Variants in STAP2 observed in about 807,000 individuals in gnomAD.
STAP2 encodes signal-transducing adaptor protein 2.
In STAP2, 58 loss-of-function variants were observed where a neutral mutation model predicts 52.7. That is an observed-to-expected ratio of 1.10 (90% CI 0.89 to 1.37). The LOEUF (loss-of-function observed/expected upper bound fraction) is 1.37, where lower values mean the gene tolerates loss of function less well. Ranked by LOEUF, STAP2 falls within the 40% of genes most tolerant of loss-of-function variation. The pLI, the probability that STAP2 is intolerant of heterozygous loss-of-function variation, is 0.00. For synonymous variants in STAP2, 231 were observed against 210.5 expected (o/e 1.10, Z -0.84); for missense variants, 522 against 519.4 (o/e 1.00, Z -0.05).
At position 4,333,771 on chromosome 19, in the gene STAP2, C is replaced by T; in HGVS notation, c.220G>A (p.Glu74Lys). 6.2e-7 allele frequency: 1 copy of T among 1,613,734 alleles called. No individual in the cohort carries two copies. Among genetic ancestry groups the T allele is most frequent in the Non-Finnish European group, 8.5e-7 (1 of 1,179,996 alleles). Residue 74 changes from glutamate (E) to lysine (K), a missense_variant, in exon 3 of 13, where the codon GAG becomes AAG. Transcript: ENST00000594605. ...NLGAFEKLTD[E>K]IPWGSSRDPG... ...TCACGTGAGCTTCCCCAGGGAATCT[C>T]ATCTGTGAGTTTCTCAAATGCTCCC...
intron 1 of STAP2, chr19:4,338,414 C>T (rs1480502093): frequency 7.8e-6 from 3 of 385,620 alleles, no homozygotes; most frequent in Admixed American, 8.5e-5. Context: ...TCGGGAGAGA[C>T]AGACGGGGCC....
chr19:4,328,010 C>T (rs1161855181), intron 6 of STAP2, among the ~76,000 whole-genome samples: 1 of 152,160 alleles, frequency 6.6e-6, no homozygotes, highest in Non-Finnish European at 1.5e-5. Context: ...TGACTTCATC[C>T]CCTCCAGTGG....
rs938752132 is a variant in STAP2 at position 4,324,701 on chromosome 19, A to G, written c.1073-172T>C. On this transcript the variant is annotated intron_variant, in intron 11 of 12. Coordinates refer to ENST00000594605, the MANE Select transcript of STAP2 (RefSeq NM_001013841.2). ...ACAAAAATTAGATGGACGTGGTGGC[A>G]GGTGCCTGTAATCCCAGCTACTTGG... 3 of 598,104 alleles carry G rather than the reference A, an allele frequency of 5.0e-6. No homozygotes were observed. In the African/African-American group the frequency reaches 5.6e-5, roughly 11 times the overall value. 37.0% of individuals were successfully genotyped at this position (598,104 alleles called of 1,614,324 possible). A position where few individuals can be genotyped will look rare whatever the true frequency, so the allele number is the denominator to read the frequency against.
chr19:4,335,343 T>G (rs2144795138), intron 1 of STAP2, among the ~76,000 whole-genome samples: 1 of 150,322 alleles, frequency 6.7e-6, no homozygotes, highest in Middle Eastern at 3.6e-3. Context: ...CATCCACCTA[T>G]TCATCCATCT....
rs770230350 is a variant in STAP2 at position 4,325,503 on chromosome 19, G to A, written c.872C>T (p.Ala291Val). The A allele has an allele frequency of 3.9e-5, 63 of 1,610,196 alleles. No homozygotes were observed. The highest frequency in any genetic ancestry group is 1.8e-4 in the Admixed American group (11 of 59,770). Reference sequence around the variant, plus strand: ...TGGGGGCAGCTTGTCCTGGCTAGACGCAGGTGACAGCGGCTTGGGGCCACC... The same window carrying A: ...TGGGGGCAGCTTGTCCTGGCTAGACACAGGTGACAGCGGCTTGGGGCCACC... ...CTGGPKPLSPASSQDKLPPLP... is the reference protein window; with the variant it reads ...CTGGPKPLSPVSSQDKLPPLP... The change falls in exon 10 of 13, where the codon GCG (alanine) becomes GTG (valine). Residue 291 changes from alanine to valine, a missense_variant. By Grantham distance (64) the Ala-to-Val change is moderately conservative (BLOSUM62 0). Transcript: ENST00000594605.
intron 3 of STAP2, 89 bp downstream of exon 3, chr19:4,333,605 C>A: frequency 2.7e-6 from 4 of 1,500,454 alleles, no homozygotes; most frequent in Non-Finnish European, 2.6e-6. Flanking sequence ...TACTACCTGC[C>A]CCTTCGTGGT....
At chr19:4,335,667 T>C (rs1278025531) in intron 1 of STAP2, among the ~76,000 whole-genome samples, 2 of 152,208 alleles carry the variant, frequency 1.3e-5, no homozygotes, top group Non-Finnish European at 2.9e-5. Context: ...CAATACAGGA[T>C]TAAACACTGT....
chr19:4,333,816 G>C lies in STAP2; in HGVS notation c.175C>G (p.His59Asp), dbSNP rs1971931233. 1 of 1,613,756 alleles carries C rather than the reference G, an allele frequency of 6.2e-7. No individual in the cohort carries two copies. The highest frequency in any genetic ancestry group is 1.3e-5 in the African/African-American group (1 of 74,924). The change falls in exon 3 of 13, where the codon CAC becomes GAC. Residue 59 changes from histidine to aspartate, a missense_variant and splice_region_variant. Physicochemically the swap from His to Asp is moderately conservative, Grantham distance 81 (BLOSUM62 -1). Transcript: ENST00000594605. The stretch of plus-strand genomic sequence containing the variant: ...GCTCCCAAGTTGAGCTTCTCCACGT[G>C]CTGGGGGCATAGAAGCAGGGGATCT... ...YFYNSNRDFQ[H>D]VEKLNLGAFE...
intron 5 of STAP2, among the ~76,000 whole-genome samples, 193 bp downstream of exon 5, chr19:4,329,768 C>G (rs902909444): frequency 6.6e-6 from 1 of 152,088 alleles, no homozygotes; most frequent in Non-Finnish European, 1.5e-5. Context: ...TAGACCCGCT[C>G]CTGGAGATCC....
rs766752461 is a variant in STAP2, at chr19:4,333,699, A to T, written c.292T>A (p.Phe98Ile). 1.2e-6 allele frequency: 2 copies of T among 1,611,886 alleles called. No individual in the cohort carries two copies. Among genetic ancestry groups the T allele is most frequent in the Admixed American group, 3.3e-5 (2 of 59,886 alleles). Residue 98 changes from phenylalanine (F) to isoleucine (I), a missense_variant, in exon 3 of 13, where the codon TTC (phenylalanine) becomes ATC (isoleucine). By Grantham distance (21) the Phe-to-Ile change is conservative. Transcript: ENST00000594605. ...CCCTCCAGCAAGGGACCTACCTTGAACTTGATCTCCTGATCCCGGAGAATC... is the reference window on the plus strand; with the variant it reads ...CCCTCCAGCAAGGGACCTACCTTGATCTTGATCTCCTGATCCCGGAGAATC... The part of the protein sequence containing the change: ...SLILRDQEIK[F>I]KVETLECREM...
At position 4,329,996 on chromosome 19, in the gene STAP2, G is replaced by C. The variant is rs1401902224; in HGVS notation, c.420C>G (p.Ala140=). 1.2e-6 allele frequency: 2 copies of C among 1,613,526 alleles called. No homozygotes were observed. The highest frequency in any genetic ancestry group is 1.3e-5 in the African/African-American group (1 of 74,892). Reference sequence around the variant, plus strand: ...CCAGTGCACGGCGCGCCTCCTCTTTGGCCAAGACTTCAGACATCATGTATA... The same window carrying C: ...CCAGTGCACGGCGCGCCTCCTCTTTCGCCAAGACTTCAGACATCATGTATA... The part of the protein sequence containing the change: ...GHLYMMSEVL[A]KEEARRALET... The change falls in exon 5 of 13, where the codon GCC becomes GCG. Residue 140 remains alanine (A), a synonymous_variant. Coordinates refer to ENST00000594605, the MANE Select transcript of STAP2 (RefSeq NM_001013841.2).
Position 4,328,075 on chromosome 19 carries a change from G to A in STAP2, c.590+600C>T, listed in dbSNP as rs573436543. The A allele has an allele frequency of 7.4e-5, 12 of 162,314 alleles. No homozygotes were observed. The South Asian group carries it at 1.9e-3, about 25-fold the overall frequency. The allele number at this position is 162,314 out of a possible 1,614,324, so 10.1% of individuals were successfully genotyped here. On this transcript the variant is annotated intron_variant, in intron 6 of 12. Coordinates refer to ENST00000594605, the MANE Select transcript of STAP2 (RefSeq NM_001013841.2). ...TCCGGAGGGGCCGATCCTAACCTAG[G>A]AGTCTGACTCCACCTACAGGGAGTC...
chr19:4,333,051 G>C (rs1451573013), intron 3 of STAP2, among the ~76,000 whole-genome samples: 3 of 151,052 alleles, frequency 2.0e-5, no homozygotes, highest in Admixed American at 1.3e-4. Flanking sequence ...TTAGCTGTGC[G>C]TGGTGGCACA....
chr19:4,325,389 C>T lies in STAP2; in HGVS notation c.979+7G>A. The T allele has an allele frequency of 1.2e-6, 2 of 1,614,218 alleles. No individual in the cohort carries two copies. Among genetic ancestry groups the T allele is most frequent in the Non-Finnish European group, 1.7e-6 (2 of 1,180,030 alleles). ...CCCAGCTCTCAGCAGCTCTGTTCCC[C>T]ACCCACCATCTTGGTTCTCATAGTC... On this transcript the variant is annotated splice_region_variant and intron_variant, in intron 10 of 12. Transcript: ENST00000594605.
chr19:4,338,568 GCGAGT>G, intron 1 of STAP2, 79 bp downstream of exon 1: 117 of 896,360 alleles, frequency 1.3e-4, no homozygotes, highest in Non-Finnish European at 1.7e-4. Context: ...CCCCCCCTTG[GCGAGT>G]GGGGAGACAG....
At position 4,325,393 on chromosome 19, in the gene STAP2, C is replaced by T; in HGVS notation, c.979+3G>A. Reference sequence around the variant, plus strand: ...GCTCTCAGCAGCTCTGTTCCCCACCCACCATCTTGGTTCTCATAGTCAACA... The same window carrying T: ...GCTCTCAGCAGCTCTGTTCCCCACCTACCATCTTGGTTCTCATAGTCAACA... On this transcript the variant is annotated splice_donor_region_variant and intron_variant, in intron 10 of 12. Transcript: ENST00000594605. 6.2e-7 allele frequency: 1 copy of T among 1,614,074 alleles called. No homozygotes were observed. The highest frequency in any genetic ancestry group is 1.1e-5 in the South Asian group (1 of 90,930).
At chr19:4,324,696 G>A (rs1971755707) in intron 11 of STAP2, 167 bp from the exon 12 acceptor site, 4 of 617,670 alleles carry the variant, frequency 6.5e-6, no homozygotes, top group Admixed American at 3.0e-5. Flanking sequence ...GATGGACGTG[G>A]TGGCAGGTGC....
intron 2 of STAP2, 65 bp downstream of exon 2, chr19:4,333,908 C>G: frequency 6.2e-7 from 1 of 1,611,424 alleles, no homozygotes; most frequent in Non-Finnish European, 8.5e-7. Flanking sequence ...ACACCATCTA[C>G]ATTGTCTGCT....
At chr19:4,327,269 C>A in intron 7 of STAP2, 43 bp from the exon 8 acceptor site, 1 of 1,613,836 alleles carries the variant, frequency 6.2e-7, no homozygotes, top group Non-Finnish European at 8.5e-7. Flanking sequence ...GGAGAAGGGA[C>A]GCGGACCCCA....
Sources: allele counts gnomAD v4.1 joint callset (sites outside exome capture counted in the v4.1 genomes callset), GRCh38; gene constraint gnomAD v4.1.1; transcripts MANE v1.5; gene names NCBI Gene and HGNC (gene_info 2026-07-23, HGNC 2026-07-21).